The following PRRT4 variants were observed in gnomAD, a reference collection of about 807,000 sequenced individuals.
The protein encoded by PRRT4 is proline-rich transmembrane protein 4.
Under a neutral mutation model 55.6 loss-of-function variants are expected in PRRT4, and 59 were observed. That is an observed-to-expected ratio of 1.06 (90% CI 0.86 to 1.32). The LOEUF is 1.32. Ranked by LOEUF, PRRT4 falls within the 40% of genes most tolerant of loss-of-function variation. The probability of loss-of-function intolerance (pLI) is 0.00; values close to 1 mark genes in which losing one functional copy is unlikely to be tolerated. For synonymous variants in PRRT4, 606 were observed against 601.8 expected (o/e 1.01, Z -0.10); for missense variants, 1,217 against 1,222.0 (o/e 1.00, Z 0.06).
chr7:128,350,566 T>C (rs758491146), downstream of PRRT4: 22 of 436,550 alleles, frequency 5.0e-5, no homozygotes, highest in Non-Finnish European at 7.5e-5. Context: ...TGGTCAGGAG[T>C]GGAGCACCTT....
exon 5 of PRRT4, chr7:128,351,021 G>A (rs1178331684): frequency 1.3e-6 from 2 of 1,549,946 alleles, no homozygotes; most frequent in East Asian, 2.4e-5. Context: ...AGGCCGGGAG[G>A]CTGGGGCTGC....
exon 2 of PRRT4, chr7:128,359,605 C>T (rs1341322995): frequency 3.9e-6 from 6 of 1,521,200 alleles, no homozygotes; most frequent in African/African-American, 1.4e-5. Flanking sequence ...ATGTGGACTC[C>T]GGAAGCAGGG....
chr7:128,359,400 G>A, exon 2 of PRRT4: 1 of 1,466,070 alleles, frequency 6.8e-7, no homozygotes, highest in African/African-American at 1.4e-5. Context: ...GGCAGCAGGG[G>A]CAGCGTTCGA....
At chr7:128,352,413 C>T (rs1381698048) in exon 5 of PRRT4, 1 of 1,537,054 alleles carries the variant, frequency 6.5e-7, no homozygotes, top group East Asian at 2.4e-5. Flanking sequence ...GAGCCAGCAG[C>T]GCCAGCAAGG....
chr7:128,357,252 T>A (rs142048588), intron 4 of PRRT4, among the ~76,000 whole-genome samples: 39,677 of 128,248 alleles, frequency 0.31, 5,486 homozygotes, highest in Non-Finnish European at 0.36. Context: ...TCTCTCTCTC[T>A]CTCTCTCTCT....
rs777954318 is a variant in PRRT4 at position 128,351,040 on chromosome 7, G to A, written c.2516C>T (p.Pro839Leu). The change falls in exon 5 of 5, where the codon CCC becomes CTC. Residue 839 changes from proline (P) to leucine (L), a missense_variant. This residue lies in a region of PRRT4 where 642 missense variants were observed against 600.9 expected (regional missense o/e 1.07). Transcript: ENST00000535159. Reference sequence around the variant, plus strand: ...CGGGAGGCTGGGGCTGCTTCCTGAGGGCCGCGGGGGACTGAGGACGCAGAC... The same window carrying A: ...CGGGAGGCTGGGGCTGCTTCCTGAGAGCCGCGGGGGACTGAGGACGCAGAC... The A allele has an allele frequency of 4.5e-6, 7 of 1,549,296 alleles. No individual in the cohort carries two copies. The East Asian group carries it at 1.5e-4, about 32-fold the overall frequency.
chr7:128,355,190 T>TTTTG (rs367624034), intron 4 of PRRT4, among the ~76,000 whole-genome samples: 3,165 of 152,172 alleles, frequency 0.021, 121 homozygotes, highest in African/African-American at 0.072. Flanking sequence ...ACTTTGGGTT[T>TTTTG]TTTGTTTGTT....
rs1218236167 is a variant in PRRT4 at position 128,358,328 on chromosome 7, G to T, written c.877+353C>A. ...AGATGGCAAAGGAAAGAGCCCCAAG[G>T]TTGGTGGGGAGTCAGGTCAGGCAGA... On this transcript the variant is annotated intron_variant, in intron 4 of 4. Transcript: ENST00000535159. This position sits in a 1 kb window ranked among gnomAD's most constrained non-coding sequence, Gnocchi z 4.4. 6.6e-6 allele frequency among the ~76,000 whole-genome samples: 1 copy of T among 152,202 alleles called. No homozygotes were observed. Among genetic ancestry groups the T allele is most frequent in the Non-Finnish European group, 1.5e-5 (1 of 68,044 alleles).
At chr7:128,354,078 G>A (rs359639) in intron 4 of PRRT4, among the ~76,000 whole-genome samples, 2,048 of 152,256 alleles carry the variant, frequency 0.013, 43 homozygotes, top group African/African-American at 0.046. Flanking sequence ...AAAGGGTGGC[G>A]AAGGATGTGG....
At chr7:128,360,215 GC>G (rs1797215313) in intron 1 of PRRT4, among the ~76,000 whole-genome samples, 152 bp from the exon 3 acceptor site, 1 of 152,156 alleles carries the variant, frequency 6.6e-6, no homozygotes, top group South Asian at 2.1e-4. Flanking sequence ...GGCTCTTCTT[GC>G]CGGGCCCTTC....
intron 4 of PRRT4, among the ~76,000 whole-genome samples, chr7:128,354,570 A>C (rs10954181): frequency 0.36 from 29,893 of 83,296 alleles, 3,042 homozygotes; most frequent in South Asian, 0.44. Context: ...GCTCAAAAAA[A>C]ACACACACAC....
At chr7:128,361,684 C>T (rs1797263537) in exon 1 of PRRT4, 1 of 152,558 alleles carries the variant, frequency 6.6e-6, no homozygotes, top group Non-Finnish European at 1.5e-5. Context: ...CCGCGGCAGC[C>T]GGCTCTGACG....
At chr7:128,350,699 G>T, downstream of PRRT4, 1 of 1,187,348 alleles carries the variant, frequency 8.4e-7, no homozygotes, top group Non-Finnish European at 1.2e-6. Context: ...GATAGAGCCT[G>T]GCTGCTGACC....
At chr7:128,351,326 G>A (rs746344650) in exon 5 of PRRT4, 2 of 1,546,094 alleles carry the variant, frequency 1.3e-6, no homozygotes, top group East Asian at 2.4e-5. Context: ...AAGAGGCCAG[G>A]CGCAAGCAGG....
At chr7:128,359,827 G>C (rs1797204893) in exon 2 of PRRT4, 1 of 1,518,250 alleles carries the variant, frequency 6.6e-7, no homozygotes, top group East Asian at 2.5e-5. Context: ...GGAATTTGAA[G>C]TTAAGTCCCA....
rs1273176511 is a variant in PRRT4 at position 128,359,891 on chromosome 7, G to T, written c.101C>A (p.Ala34Asp). 35 of 1,462,426 alleles carry T rather than the reference G, an allele frequency of 2.4e-5. No homozygotes were observed. The highest frequency in any genetic ancestry group is 3.2e-5 in the Non-Finnish European group (35 of 1,101,834). 90.6% of individuals were successfully genotyped at this position (1,462,426 alleles called of 1,614,324 possible). The change falls in exon 2 of 5, where the codon GCC becomes GAC. Residue 34 changes from alanine (A) to aspartate (D), a missense_variant. Ala to Asp is a moderately radical substitution (Grantham distance 126). Coordinates refer to ENST00000535159, the Ensembl canonical transcript of PRRT4. ...TTGAGGTACGGGGGTCAAAGTGGTG[G>T]CAGGGGCACCTGGGATGGAGGGGGT...
rs1363197962 is a variant in PRRT4 at position 128,359,799 on chromosome 7, C to T, written c.193G>A (p.Ala65Thr). The change falls in exon 2 of 5, where the codon GCT becomes ACT. Residue 65 changes from alanine to threonine, a missense_variant. By Grantham distance (58) the Ala-to-Thr change is moderately conservative. This residue lies in a region of PRRT4 where 564 missense variants were observed against 592.9 expected (regional missense o/e 0.95). Coordinates refer to ENST00000535159, the Ensembl canonical transcript of PRRT4. ...TCTGTGACTGGGCTCCCCCAGACAG[C>T]AGCAGGTCCCCGAAGATGGAATTTG... The T allele has an allele frequency of 1.3e-6, 2 of 1,529,194 alleles. No individual in the cohort carries two copies. 94.7% of individuals were successfully genotyped at this position (1,529,194 alleles called of 1,614,324 possible). A position where few individuals can be genotyped will look rare whatever the true frequency, so the allele number is the denominator to read the frequency against.
Position 128,358,393 on chromosome 7 carries a change from T to C in PRRT4, c.877+288A>G, listed in dbSNP as rs951360787. Among the ~76,000 whole-genome samples the C allele has an allele frequency of 6.6e-6, 1 of 152,146 alleles. No individual in the cohort carries two copies. The highest frequency in any genetic ancestry group is 2.4e-5 in the African/African-American group (1 of 41,422). On this transcript the variant is annotated intron_variant, in intron 4 of 4. Coordinates refer to ENST00000535159, the Ensembl canonical transcript of PRRT4. This position sits in a 1 kb window ranked among gnomAD's most constrained non-coding sequence, Gnocchi z 4.4. ...GGGGTTAGTGCCAGGGCTGTGGAAA[T>C]CATGAAGAAGTTCCTGTGTCTGTTT...
At chr7:128,357,236 ACTCT>A (rs60699919) in intron 4 of PRRT4, among the ~76,000 whole-genome samples, 7,470 of 140,540 alleles carry the variant, frequency 0.053, 258 homozygotes, top group African/African-American at 0.093. Flanking sequence ...ACACACACAC[ACTCT>A]CTCTCTCTCT....
Sources: gnomAD v4.1 joint callset for allele counts (sites outside exome capture counted in the v4.1 genomes callset) on GRCh38, gnomAD v4.1.1 for gene constraint, gnomAD v4.1.1 regional missense constraint, Gnocchi (gnomAD v3.1) non-coding constraint, MANE v1.5 for transcripts, NCBI Gene and HGNC (gene_info 2026-07-23, HGNC 2026-07-21) for gene names.